SUGT1: variants seen among roughly 807,000 people sequenced by gnomAD.
SUGT1 encodes SGT1 assembly cochaperone of MIS12 kinetochore complex.
A neutral mutation model predicts 56.1 loss-of-function variants in SUGT1; 15 were observed. That is an observed-to-expected ratio of 0.27 (90% CI 0.18 to 0.41). The LOEUF is 0.41. SUGT1 is among the 10% of genes least tolerant of loss of function. The probability of loss-of-function intolerance (pLI) is 1.00; values close to 1 mark genes in which losing one functional copy is unlikely to be tolerated. For missense variants in SUGT1, 347 were observed against 382.2 expected (o/e 0.91, Z 0.77); for synonymous variants, 123 against 128.6 (o/e 0.96, Z 0.30).
chr13:52,679,950 C>A, intron 11 of SUGT1, 24 bp from the exon 12 acceptor site: 1 of 1,566,438 alleles, frequency 6.4e-7, no homozygotes, highest in South Asian at 1.2e-5. Context: ...TGATTAATTA[C>A]TTCTGCCTTT....
At chr13:52,653,712 A>G (rs756107795) in intron 2 of SUGT1, among the ~76,000 whole-genome samples, 3 of 152,232 alleles carry the variant, frequency 2.0e-5, no homozygotes, top group Non-Finnish European at 2.9e-5. Flanking sequence ...AAGGCAAACC[A>G]TAAAGCTGTA....
intron 12 of SUGT1, among the ~76,000 whole-genome samples, chr13:52,686,534 A>T (rs1185605727): frequency 6.6e-6 from 1 of 152,188 alleles, no homozygotes; most frequent in Admixed American, 6.5e-5. Flanking sequence ...AGGTGGTGAC[A>T]TTTCATGTTT....
intron 11 of SUGT1, among the ~76,000 whole-genome samples, 155 bp downstream of exon 11, chr13:52,676,475 C>G (rs768162149): frequency 6.6e-5 from 10 of 152,086 alleles, no homozygotes; most frequent in African/African-American, 9.7e-5. Context: ...TATAAAGTAG[C>G]CTTTCTGTGA....
intron 8 of SUGT1, 76 bp from the exon 9 acceptor site, chr13:52,665,561 C>A: frequency 1.9e-6 from 2 of 1,043,810 alleles, no homozygotes; most frequent in South Asian, 1.6e-5. Context: ...TGTTGTTTAT[C>A]AGACTAGTTT....
rs965312078 is a variant in SUGT1, at chr13:52,687,669, T to G, written c.901-65T>G. The G allele has an allele frequency of 3.4e-5, 46 of 1,336,106 alleles. No individual in the cohort carries two copies. The African/African-American group carries it at 6.2e-4, about 18-fold the overall frequency. 82.8% of individuals were successfully genotyped at this position (1,336,106 alleles called of 1,614,324 possible). A position where few individuals can be genotyped will look rare whatever the true frequency, so the allele number is the denominator to read the frequency against. On this transcript the variant is annotated intron_variant, in intron 12 of 12. Coordinates refer to ENST00000310528, the MANE Select transcript of SUGT1 (RefSeq NM_006704.5). ...TTGGGGCTCTATGCTTGGAACATTTTAAGAAAAATATTCTATTTTGATTAT... is the reference window on the plus strand; with the variant it reads ...TTGGGGCTCTATGCTTGGAACATTTGAAGAAAAATATTCTATTTTGATTAT...
chr13:52,684,342 T>G (rs2138174916), intron 12 of SUGT1, among the ~76,000 whole-genome samples: 1 of 152,310 alleles, frequency 6.6e-6, no homozygotes. Flanking sequence ...TGCTTACCCA[T>G]TAGCTAGATT....
chr13:52,680,253 C>T, intron 12 of SUGT1, 98 bp downstream of exon 12: 7 of 1,151,936 alleles, frequency 6.1e-6, no homozygotes, highest in South Asian at 1.7e-5. Flanking sequence ...TGTACTATAG[C>T]TGGGAGAACT....
In SUGT1 at chr13:52,699,134, C is replaced by T. The variant is rs1964016272; in HGVS notation, c.*11299C>T. On this transcript the variant is annotated 3_prime_UTR_variant, in exon 13 of 13. Transcript: ENST00000310528. ...GCTTGCTCCTTTGAAGGTTTTGTTT[C>T]CCTCTTAACACAGAAATTAAAAGGT... The T allele has an allele frequency of 6.6e-6, 1 of 152,080 alleles. No individual in the cohort carries two copies. Among genetic ancestry groups the T allele is most frequent in the South Asian group, 2.1e-4 (1 of 4,822 alleles). The allele number at this position is 152,080 out of a possible 1,614,324, so 9.4% of individuals were successfully genotyped here. A position where few individuals can be genotyped will look rare whatever the true frequency, so the allele number is the denominator to read the frequency against.
At chr13:52,668,012 C>G (rs1233447838) in intron 10 of SUGT1, among the ~76,000 whole-genome samples, 1 of 150,366 alleles carries the variant, frequency 6.7e-6, no homozygotes, top group Non-Finnish European at 1.5e-5. Context: ...TAGTCTAGCT[C>G]TGTTGCCAGG....
intron 12 of SUGT1, 111 bp from the exon 13 acceptor site, chr13:52,687,623 G>A: frequency 1.7e-6 from 1 of 592,758 alleles, no homozygotes; most frequent in Non-Finnish European, 2.7e-6. Flanking sequence ...TTTATATTGA[G>A]CTGTATATAA....
At chr13:52,681,736 G>A (rs1963383475) in intron 12 of SUGT1, among the ~76,000 whole-genome samples, 1 of 151,772 alleles carries the variant, frequency 6.6e-6, no homozygotes, top group South Asian at 2.1e-4. Flanking sequence ...TCAGGCGTCT[G>A]CGGCAAGAGT....
In SUGT1 at chr13:52,688,479, G is replaced by A. The variant is rs1283355495; in HGVS notation, c.*644G>A. 2 of 152,172 alleles carry A rather than the reference G, an allele frequency of 1.3e-5. No homozygotes were observed. The highest frequency in any genetic ancestry group is 2.9e-5 in the Non-Finnish European group (2 of 68,016). 9.4% of individuals were successfully genotyped at this position (152,172 alleles called of 1,614,324 possible). A position where few individuals can be genotyped will look rare whatever the true frequency, so the allele number is the denominator to read the frequency against. ...ATACCTGAGTTTTAACACACTGCAAGTTTATACTAAGGATAATCTGTGAAG... is the reference window on the plus strand; with the variant it reads ...ATACCTGAGTTTTAACACACTGCAAATTTATACTAAGGATAATCTGTGAAG... On this transcript the variant is annotated 3_prime_UTR_variant, in exon 13 of 13. Transcript: ENST00000310528.
chr13:52,681,832 T>G (rs1219286322), intron 12 of SUGT1, among the ~76,000 whole-genome samples: 3 of 34,366 alleles, frequency 8.7e-5, no homozygotes, highest in South Asian at 1.1e-3. Flanking sequence ...AGACCCTATC[T>G]CTTTAAAAAA....
intron 11 of SUGT1, 52 bp from the exon 12 acceptor site, chr13:52,679,922 G>T (rs780880875): frequency 6.6e-7 from 1 of 1,510,550 alleles, no homozygotes; most frequent in Non-Finnish European, 8.8e-7. Context: ...ACATATTCTC[G>T]ACATAATTGA....
In SUGT1 at chr13:52,699,541, T is replaced by G. The variant is rs1190932880; in HGVS notation, c.*11706T>G. 1 of 152,174 alleles carries G rather than the reference T, an allele frequency of 6.6e-6. No individual in the cohort carries two copies. Among genetic ancestry groups the G allele is most frequent in the East Asian group, 1.9e-4 (1 of 5,192 alleles). The allele number at this position is 152,174 out of a possible 1,614,324, so 9.4% of individuals were successfully genotyped here. On this transcript the variant is annotated 3_prime_UTR_variant, in exon 13 of 13. Transcript: ENST00000310528. ...TGTGTTAGGGCACATCCCATGGAGA[T>G]CTTTTTTACTGCTTAATTTTTTGGA... is the stretch of plus-strand genomic sequence containing the variant.
intron 5 of SUGT1, among the ~76,000 whole-genome samples, chr13:52,662,301 A>G (rs1317395815): frequency 1.3e-5 from 2 of 152,188 alleles, no homozygotes; most frequent in African/African-American, 2.4e-5. Context: ...CTGATGGCAT[A>G]TTGGGAGTCT....
At position 52,682,038 on chromosome 13, in the gene SUGT1, T is replaced by C. The variant is rs2138168885; in HGVS notation, c.900+1883T>C. On this transcript the variant is annotated intron_variant, in intron 12 of 12. Transcript: ENST00000310528. ...TAGTTTTCATTTTCTTAATAGGGTC[T>C]TTCATAGAACCAAAATATTTCATTT... is the stretch of plus-strand genomic sequence containing the variant. 1.3e-5 allele frequency among the ~76,000 whole-genome samples: 2 copies of C among 151,734 alleles called. 1 individual carries two copies. Among genetic ancestry groups the C allele is most frequent in the South Asian group, 4.2e-4 (2 of 4,782 alleles).
At chr13:52,659,449 A>G (rs568792767) in intron 5 of SUGT1, among the ~76,000 whole-genome samples, 200 bp downstream of exon 5, 115 of 152,246 alleles carry the variant, frequency 7.6e-4, no homozygotes, top group Non-Finnish European at 1.3e-3. Flanking sequence ...TAAATCATAG[A>G]TGAACTTCAC....
intron 10 of SUGT1, among the ~76,000 whole-genome samples, chr13:52,673,267 G>GAT (rs372541902): frequency 3.4e-5 from 5 of 148,122 alleles, no homozygotes; most frequent in African/African-American, 1.2e-4. Context: ...TGTGGGGGTA[G>GAT]ATAGGGTCTC....
Sources: gnomAD v4.1 joint callset for allele counts (sites outside exome capture counted in the v4.1 genomes callset) on GRCh38, gnomAD v4.1.1 for gene constraint, MANE v1.5 for transcripts, NCBI Gene and HGNC (gene_info 2026-07-23, HGNC 2026-07-21) for gene names.